Variants in INPP4A observed in about 807,000 individuals in gnomAD.
The protein encoded by INPP4A is inositol polyphosphate-4-phosphatase, type I, 107kD.
Under a neutral mutation model 119.8 loss-of-function variants are expected in INPP4A, and 33 were observed. That is an observed-to-expected ratio of 0.28 (90% CI 0.21 to 0.37). The LOEUF is 0.37. INPP4A is among the 10% of genes least tolerant of loss of function. INPP4A has a pLI of 1.00. For synonymous variants in INPP4A, 496 were observed against 500.7 expected, an observed-to-expected ratio of 0.99 and a Z score of 0.12; for missense variants, 956 against 1,289.9, an observed-to-expected ratio of 0.74 and a Z score of 3.97.
intron 1 of INPP4A, among the ~76,000 whole-genome samples, chr2:98,501,425 A>G (rs1683098897): frequency 6.6e-6 from 1 of 152,252 alleles, no homozygotes; most frequent in Non-Finnish European, 1.5e-5. Context: ...AGTTCAGGAA[A>G]TACTGTAGTA....
chr2:98,551,128 A>T (rs976241862), intron 13 of INPP4A, among the ~76,000 whole-genome samples: 2 of 151,994 alleles, frequency 1.3e-5, no homozygotes, highest in African/African-American at 4.8e-5. Flanking sequence ...GCTAATTTTT[A>T]AATTTTTTTA....
chr2:98,510,715 A>G (rs1157663903), intron 1 of INPP4A, among the ~76,000 whole-genome samples: 1 of 152,230 alleles, frequency 6.6e-6, no homozygotes, highest in Non-Finnish European at 1.5e-5. Flanking sequence ...CTACATTTCA[A>G]CATAAGGAAT....
intron 1 of INPP4A, among the ~76,000 whole-genome samples, chr2:98,470,605 C>T (rs1486040962): frequency 6.6e-6 from 1 of 152,178 alleles, no homozygotes; most frequent in Non-Finnish European, 1.5e-5. Flanking sequence ...CTTGGTGTGA[C>T]CTCTGGTTAG....
At chr2:98,555,437 ATT>A in intron 15 of INPP4A, 114 bp from the exon 16 acceptor site, 1 of 1,115,550 alleles carries the variant, frequency 9.0e-7, no homozygotes, top group Non-Finnish European at 1.3e-6. Context: ...ACTTTGAGGT[ATT>A]TTAACAAGTG....
intron 1 of INPP4A, among the ~76,000 whole-genome samples, chr2:98,484,053 C>T (rs1391147940): frequency 6.6e-6 from 1 of 152,170 alleles, no homozygotes; most frequent in African/African-American, 2.4e-5. Context: ...TCTGCATGTC[C>T]TGTCTCTCTC....
chr2:98,485,282 T>G (rs1205142106), intron 1 of INPP4A, among the ~76,000 whole-genome samples: 1 of 152,244 alleles, frequency 6.6e-6, no homozygotes, highest in Non-Finnish European at 1.5e-5. Flanking sequence ...GCGGTCTGGT[T>G]GCAGCGTGAA....
chr2:98,448,166 G>C (rs1437122170), intron 1 of INPP4A, among the ~76,000 whole-genome samples: 1 of 151,636 alleles, frequency 6.6e-6, no homozygotes, highest in African/African-American at 2.4e-5. Context: ...GACCAGCCTG[G>C]CCAACATGAT....
intron 10 of INPP4A, among the ~76,000 whole-genome samples, chr2:98,542,811 C>G (rs1226229145): frequency 2.0e-5 from 3 of 151,840 alleles, no homozygotes; most frequent in Non-Finnish European, 2.9e-5. Context: ...TCCTCCTCTT[C>G]CCCCTTCCCC....
chr2:98,567,392 G>T (rs1355718262), intron 21 of INPP4A, among the ~76,000 whole-genome samples: 1 of 152,204 alleles, frequency 6.6e-6, no homozygotes. Flanking sequence ...GGCAGGTGGT[G>T]AGCTGGGTTT....
intron 5 of INPP4A, among the ~76,000 whole-genome samples, chr2:98,534,918 C>T (rs1465407761): frequency 1.3e-5 from 2 of 152,182 alleles, no homozygotes; most frequent in Non-Finnish European, 2.9e-5. Flanking sequence ...AAGTGAATGC[C>T]CGGGCTTTTA....
intron 1 of INPP4A, among the ~76,000 whole-genome samples, chr2:98,464,663 G>A (rs1168010498): frequency 6.6e-6 from 1 of 152,194 alleles, no homozygotes; most frequent in East Asian, 1.9e-4. Context: ...AAGTACTTGT[G>A]CTGTGTTTCT....
Position 98,592,838 on chromosome 2 carries a change from AATG to A in INPP4A, c.*5235_*5237del, listed in dbSNP as rs1338371170. 1.3e-5 allele frequency: 2 copies of A among 152,442 alleles called. No homozygotes were observed. Among genetic ancestry groups the A allele is most frequent in the Non-Finnish European group, 2.9e-5 (2 of 68,232 alleles). The allele number at this position is 152,442 out of a possible 1,614,324, so 9.4% of individuals were successfully genotyped here. A position where few individuals can be genotyped will look rare whatever the true frequency, so the allele number is the denominator to read the frequency against. On this transcript the variant is annotated 3_prime_UTR_variant, in exon 25 of 25. Transcript: ENST00000409851. ...CAGTCTACGATTTGTCTGGTGGCCA[AATG>A]ATGACTTTTGAGTGGGAAAAGCTGG...
At chr2:98,513,926 G>A (rs1000663794) in intron 1 of INPP4A, among the ~76,000 whole-genome samples, 1 of 152,194 alleles carries the variant, frequency 6.6e-6, no homozygotes, top group Non-Finnish European at 1.5e-5. Flanking sequence ...TATTTGCTGG[G>A]CTTCAAGAAT....
In INPP4A at chr2:98,550,138, G is replaced by A. The variant is rs117953872; in HGVS notation, c.1164-2648G>A. Among the ~76,000 whole-genome samples, 36 of 152,150 alleles carry A rather than the reference G, an allele frequency of 2.4e-4. No individual in the cohort carries two copies. In the East Asian group the frequency reaches 5.4e-3, roughly 23 times the overall value. On this transcript the variant is annotated intron_variant, in intron 13 of 24. Transcript: ENST00000409851. ...ACCTTGTTCCTGGGGAACTTTCTGC[G>A]TTCCTGGGTTCCCTCTGAGGACCCT...
In INPP4A at chr2:98,587,690, T is replaced by C. The variant is rs1400054046; in HGVS notation, c.*82T>C. On this transcript the variant is annotated 3_prime_UTR_variant, in exon 25 of 25. Transcript: ENST00000409851. ...CATATATGAATTCTTCAAGAAGACC[T>C]GAAGGATTGGTTTTTATTTTTTGTG... 5.5e-6 allele frequency: 6 copies of C among 1,083,634 alleles called. No homozygotes were observed. Among genetic ancestry groups the C allele is most frequent in the Non-Finnish European group, 7.9e-6 (6 of 761,450 alleles). 67.1% of individuals were successfully genotyped at this position (1,083,634 alleles called of 1,614,324 possible). A position where few individuals can be genotyped will look rare whatever the true frequency, so the allele number is the denominator to read the frequency against.
chr2:98,507,001 C>T (rs141854626), intron 1 of INPP4A, among the ~76,000 whole-genome samples: 2 of 152,322 alleles, frequency 1.3e-5, no homozygotes, highest in Non-Finnish European at 2.9e-5. Context: ...CTTTGATCCT[C>T]GTTCACAGTC....
chr2:98,467,509 G>A (rs1055985010), intron 1 of INPP4A, among the ~76,000 whole-genome samples: 17 of 152,134 alleles, frequency 1.1e-4, no homozygotes, highest in Admixed American at 2.6e-4. Flanking sequence ...TAGCGACACC[G>A]TCCACATGTG....
chr2:98,472,227 T>C (rs559158436), intron 1 of INPP4A, among the ~76,000 whole-genome samples: 1 of 152,326 alleles, frequency 6.6e-6, no homozygotes, highest in Non-Finnish European at 1.5e-5. Context: ...CTTGAGTCCC[T>C]GTTGGGGTCC....
intron 23 of INPP4A, among the ~76,000 whole-genome samples, chr2:98,576,544 A>G (rs4851143): frequency 0.8 from 121,668 of 152,242 alleles, 49,664 homozygotes; most frequent in African/African-American, 0.96. Flanking sequence ...AGGGAGACCT[A>G]GAGACCTGGC....
Sources: gnomAD v4.1 joint callset for allele counts (sites outside exome capture counted in the v4.1 genomes callset) on GRCh38, gnomAD v4.1.1 for gene constraint, MANE v1.5 for transcripts, NCBI Gene and HGNC (gene_info 2026-07-23, HGNC 2026-07-21) for gene names.